The following TBC1D12 variants were observed in gnomAD, a reference collection of about 807,000 sequenced individuals.
TBC1D12 encodes TBC1 domain family member 12.
In TBC1D12, 56 loss-of-function variants were observed where a neutral mutation model predicts 86.7. The ratio of observed to expected loss-of-function variants is 0.65; its 90% CI spans 0.52 to 0.81. TBC1D12 has a LOEUF of 0.81. Among genes scored for constraint, TBC1D12 ranks in the 30% least tolerant of loss-of-function variants. The probability of loss-of-function intolerance (pLI) is 0.00; values close to 1 mark genes in which losing one functional copy is unlikely to be tolerated. For synonymous variants in TBC1D12, 421 were observed against 411.7 expected, an observed-to-expected ratio of 1.02 and a Z score of -0.27; for missense variants, 1,023 against 1,038.8, an observed-to-expected ratio of 0.98 and a Z score of 0.21.
intron 1 of TBC1D12, among the ~76,000 whole-genome samples, chr10:94,423,985 A>G (rs946335511): frequency 6.6e-6 from 1 of 152,284 alleles, no homozygotes; most frequent in Non-Finnish European, 1.5e-5. Context: ...ACATGAACAG[A>G]CTTTTTTCTT....
chr10:94,510,880 T>C (rs1377062201), intron 8 of TBC1D12, among the ~76,000 whole-genome samples: 4 of 152,166 alleles, frequency 2.6e-5, no homozygotes, highest in Admixed American at 6.6e-5. Context: ...TAAAAATTTT[T>C]ACCATTAAGA....
At chr10:94,465,396 C>G (rs1409914934) in intron 2 of TBC1D12, among the ~76,000 whole-genome samples, 1 of 152,132 alleles carries the variant, frequency 6.6e-6, no homozygotes, top group Non-Finnish European at 1.5e-5. Flanking sequence ...GCCTGTAATC[C>G]TAGCACTTTG....
chr10:94,453,691 A>G (rs1393145460), intron 2 of TBC1D12, among the ~76,000 whole-genome samples: 1 of 152,032 alleles, frequency 6.6e-6, no homozygotes, highest in Non-Finnish European at 1.5e-5. Context: ...AGTCATCACC[A>G]TACTCAAGGC....
rs1228992339 is a variant in TBC1D12 at position 94,521,977 on chromosome 10, C to T, written c.1784C>T (p.Ala595Val). 1 of 1,610,078 alleles carries T rather than the reference C, an allele frequency of 6.2e-7. No homozygotes were observed. Among genetic ancestry groups the T allele is most frequent in the African/African-American group, 1.3e-5 (1 of 74,902 alleles). ...AAGGTCCAAGGGATGTCCTTCATTGCAGCAGTACTCATTCTCAATTTGGAA... is the reference window on the plus strand; with the variant it reads ...AAGGTCCAAGGGATGTCCTTCATTGTAGCAGTACTCATTCTCAATTTGGAA... ...VGYVQGMSFI[A>V]AVLILNLEEA... The change falls in exon 10 of 13, where the codon GCA becomes GTA. Residue 595 changes from alanine to valine, a missense_variant. Around this residue, in one of 2 missense-constraint regions of TBC1D12, gnomAD observed 395 missense variants for 507.7 expected, o/e 0.78. Transcript: ENST00000225235.
chr10:94,402,902 G>C lies in TBC1D12; in HGVS notation c.289G>C (p.Ala97Pro). ...TCCGCTCCCCGCTGGCCAGGCCGGC[G>C]CCCCGCCGCCCTCGGCAGCCCCACG... ...YCPLPAGQAG[A>P]PPPSAAPRSD... The change falls in exon 1 of 13, where the codon GCC (alanine) becomes CCC (proline). Residue 97 changes from alanine (A) to proline (P), a missense_variant. Ala to Pro is a conservative substitution (Grantham distance 27). Coordinates refer to ENST00000225235, the MANE Select transcript of TBC1D12 (RefSeq NM_015188.2). 2 of 1,488,586 alleles carry C rather than the reference G, an allele frequency of 1.3e-6. No homozygotes were observed. Among genetic ancestry groups the C allele is most frequent in the Non-Finnish European group, 1.8e-6 (2 of 1,126,900 alleles). 92.2% of individuals were successfully genotyped at this position (1,488,586 alleles called of 1,614,324 possible).
intron 1 of TBC1D12, 77 bp downstream of exon 1, chr10:94,403,661 C>CCGGAGT (rs2054808536): frequency 2.2e-6 from 3 of 1,377,030 alleles, no homozygotes; most frequent in South Asian, 1.7e-5. Flanking sequence ...GGAGTCGGAG[C>CCGGAGT]CGGAGCCGGA....
chr10:94,448,217 A>G (rs1006919568), intron 2 of TBC1D12, among the ~76,000 whole-genome samples: 2 of 152,216 alleles, frequency 1.3e-5, no homozygotes, highest in African/African-American at 4.8e-5. Flanking sequence ...CAGGAACAAC[A>G]TTATGGAAAG....
At chr10:94,465,058 C>A (rs141860966) in intron 2 of TBC1D12, among the ~76,000 whole-genome samples, 11 of 152,302 alleles carry the variant, frequency 7.2e-5, no homozygotes, top group African/African-American at 2.2e-4. Context: ...GCATTCTTCT[C>A]TGATGCCACT....
chr10:94,459,756 C>A (rs1053542373), intron 2 of TBC1D12, among the ~76,000 whole-genome samples: 11 of 152,212 alleles, frequency 7.2e-5, no homozygotes, highest in Non-Finnish European at 1.0e-4. Context: ...AAGCCCCTCA[C>A]TGCCCGGGGC....
chr10:94,408,791 A>C (rs1053242797), intron 1 of TBC1D12, among the ~76,000 whole-genome samples: 4 of 152,154 alleles, frequency 2.6e-5, no homozygotes, highest in Non-Finnish European at 4.4e-5. Context: ...TCACTAAAGA[A>C]AAGGCAAAAT....
At chr10:94,437,238 G>A (rs938583238) in intron 1 of TBC1D12, among the ~76,000 whole-genome samples, 4 of 152,080 alleles carry the variant, frequency 2.6e-5, no homozygotes, top group African/African-American at 9.7e-5. Context: ...ATCTCAGTGT[G>A]AACCTCCTTG....
At position 94,465,535 on chromosome 10, in the gene TBC1D12, A is replaced by C. The variant is rs1011768704; in HGVS notation, c.1096-9133A>C. 3.3e-5 allele frequency among the ~76,000 whole-genome samples: 5 copies of C among 151,888 alleles called. No individual in the cohort carries two copies. In the South Asian group the frequency reaches 8.3e-4, roughly 25 times the overall value. On this transcript the variant is annotated intron_variant, in intron 2 of 12. Transcript: ENST00000225235. Reference sequence around the variant, plus strand: ...GTGGCACGTGCCTGTAGTCTCAGCTACTCGGGAGGCTGAGGCAGGAGAATC... The same window carrying C: ...GTGGCACGTGCCTGTAGTCTCAGCTCCTCGGGAGGCTGAGGCAGGAGAATC...
rs1333041730 is a variant in TBC1D12, at chr10:94,534,566, C to T, written c.*1470C>T. 1 of 152,178 alleles carries T rather than the reference C, an allele frequency of 6.6e-6. No individual in the cohort carries two copies. The highest frequency in any genetic ancestry group is 1.5e-5 in the Non-Finnish European group (1 of 68,032). The allele number at this position is 152,178 out of a possible 1,614,324, so 9.4% of individuals were successfully genotyped here. ...AACCGCCAAGAAATGCATGATTTCC[C>T]TGCCAACTCTAGGAAGTAGTGCTGC... On this transcript the variant is annotated 3_prime_UTR_variant, in exon 13 of 13. Coordinates refer to ENST00000225235, the MANE Select transcript of TBC1D12 (RefSeq NM_015188.2).
intron 2 of TBC1D12, among the ~76,000 whole-genome samples, chr10:94,462,521 A>G (rs1163527457): frequency 1.3e-5 from 2 of 152,158 alleles, no homozygotes; most frequent in Admixed American, 1.3e-4. Context: ...GATCTAAGTG[A>G]AGTGTGGAAG....
intron 1 of TBC1D12, among the ~76,000 whole-genome samples, chr10:94,406,143 TAACAG>T (rs1458302665): frequency 1.3e-5 from 2 of 152,216 alleles, no homozygotes; most frequent in Admixed American, 1.3e-4. Context: ...TTCATATTAT[TAACAG>T]TAGGCAGGAA....
chr10:94,424,584 C>T (rs2134066932), intron 1 of TBC1D12, among the ~76,000 whole-genome samples: 1 of 152,310 alleles, frequency 6.6e-6, no homozygotes, highest in East Asian at 1.9e-4. Context: ...TGCTGTGATA[C>T]TAGCTCAGGG....
chr10:94,470,468 A>G (rs1344878130), intron 2 of TBC1D12, among the ~76,000 whole-genome samples: 1 of 151,864 alleles, frequency 6.6e-6, no homozygotes, highest in Non-Finnish European at 1.5e-5. Flanking sequence ...GGCTCAAGTG[A>G]TCTCCCACCT....
At chr10:94,478,313 T>C (rs912763777) in intron 3 of TBC1D12, among the ~76,000 whole-genome samples, 34 of 152,118 alleles carry the variant, frequency 2.2e-4, no homozygotes, top group African/African-American at 7.7e-4. Flanking sequence ...GGGATTAAGC[T>C]TCACACCAGC....
intron 9 of TBC1D12, among the ~76,000 whole-genome samples, chr10:94,518,793 G>A (rs1027749193): frequency 1.3e-5 from 2 of 152,140 alleles, no homozygotes; most frequent in Admixed American, 1.3e-4. Flanking sequence ...TAATATTCCG[G>A]GCTGGACACG....
Sources: allele counts gnomAD v4.1 joint callset (sites outside exome capture counted in the v4.1 genomes callset), GRCh38; gene constraint gnomAD v4.1.1; regional missense constraint gnomAD v4.1.1; transcripts MANE v1.5; gene names NCBI Gene and HGNC (gene_info 2026-07-23, HGNC 2026-07-21).